The following TAOK3 variants were observed in gnomAD, a reference collection of about 807,000 sequenced individuals.
TAOK3 encodes TAO kinase 3.
Under a neutral mutation model 120.4 loss-of-function variants are expected in TAOK3, and 40 were observed. The observed-to-expected ratio is 0.33, with a 90% confidence interval of 0.26 to 0.43. TAOK3 has a LOEUF of 0.43. Among genes scored for constraint, TAOK3 ranks in the 20% least tolerant of loss-of-function variants. The pLI, the probability that TAOK3 is intolerant of heterozygous loss-of-function variation, is 1.00. For synonymous variants in TAOK3, 355 were observed against 387.5 expected, an observed-to-expected ratio of 0.92 and a Z score of 0.99; for missense variants, 821 against 1,112.1, an observed-to-expected ratio of 0.74 and a Z score of 3.72.
At chr12:118,230,598 A>G (rs1214400842) in intron 9 of TAOK3, among the ~76,000 whole-genome samples, 1 of 151,220 alleles carries the variant, frequency 6.6e-6, no homozygotes, top group East Asian at 2.0e-4. Flanking sequence ...CCTCCCGAGT[A>G]GCTGGGACTA....
At chr12:118,365,119 T>C (rs2045707430) in intron 1 of TAOK3, among the ~76,000 whole-genome samples, 1 of 152,230 alleles carries the variant, frequency 6.6e-6, no homozygotes, top group Non-Finnish European at 1.5e-5. Context: ...TGCCTAGATC[T>C]TTCCCAGTCT....
At position 118,251,148 on chromosome 12, in the gene TAOK3, C is replaced by A. The variant is rs577351301; in HGVS notation, c.120+4300G>T. Among the ~76,000 whole-genome samples, 181 of 152,038 alleles carry A rather than the reference C, an allele frequency of 1.2e-3. 1 individual carries two copies. Among genetic ancestry groups the A allele is most frequent in the African/African-American group, 4.2e-3 (176 of 41,484 alleles). ...TTTACATTTCTTTTTTCAAGCTCAT[C>A]GAGGTATGCACAACAGACTGAAGAG... On this transcript the variant is annotated intron_variant, in intron 3 of 20. Coordinates refer to ENST00000392533, the MANE Select transcript of TAOK3 (RefSeq NM_016281.4).
intron 5 of TAOK3, among the ~76,000 whole-genome samples, chr12:118,240,295 T>C (rs1356512681): frequency 1.3e-5 from 2 of 149,988 alleles, no homozygotes; most frequent in East Asian, 4.1e-4. Context: ...TTCTCCTGCC[T>C]CAGCCTCCCG....
intron 1 of TAOK3, among the ~76,000 whole-genome samples, chr12:118,329,742 G>A (rs1010448160): frequency 2.6e-5 from 4 of 152,026 alleles, no homozygotes; most frequent in African/African-American, 9.7e-5. Context: ...AAGGGACATG[G>A]AACACAAATA....
intron 1 of TAOK3, among the ~76,000 whole-genome samples, chr12:118,286,764 C>G (rs140265605): frequency 1.5e-3 from 233 of 152,292 alleles, no homozygotes; most frequent in South Asian, 2.7e-3. Flanking sequence ...AAGATATTTG[C>G]ACATGCATGT....
chr12:118,210,928 G>A (rs898375988), intron 11 of TAOK3, among the ~76,000 whole-genome samples: 2 of 151,824 alleles, frequency 1.3e-5, no homozygotes, highest in Non-Finnish European at 2.9e-5. Flanking sequence ...TAGTAGAGAC[G>A]GGGTTTCGCC....
At chr12:118,240,333 C>T (rs2040195373) in intron 5 of TAOK3, among the ~76,000 whole-genome samples, 2 of 151,868 alleles carry the variant, frequency 1.3e-5, no homozygotes, top group Non-Finnish European at 1.5e-5. Flanking sequence ...GCATGCGCCA[C>T]CACACGCGGC....
At chr12:118,346,967 C>T (rs948966520) in intron 1 of TAOK3, among the ~76,000 whole-genome samples, 2 of 152,096 alleles carry the variant, frequency 1.3e-5, no homozygotes, top group African/African-American at 4.8e-5. Context: ...TTCAGTTTTC[C>T]TTTATCAGGC....
intron 9 of TAOK3, among the ~76,000 whole-genome samples, chr12:118,221,634 C>CTTTTTTTT (rs35069196): frequency 7.9e-6 from 1 of 126,016 alleles, no homozygotes; most frequent in South Asian, 2.5e-4. Flanking sequence ...TACATATAAC[C>CTTTTTTTT]TTTTTTTTTT....
At chr12:118,225,246 C>CAAA (rs34923071) in intron 9 of TAOK3, among the ~76,000 whole-genome samples, 81 of 74,994 alleles carry the variant, frequency 1.1e-3, no homozygotes, top group Admixed American at 1.7e-3. Flanking sequence ...GAGACTGTCT[C>CAAA]AAAAAAAAAA....
Position 118,363,271 on chromosome 12 carries a change from T to C in TAOK3, c.-194+9377A>G, listed in dbSNP as rs559173954. Among the ~76,000 whole-genome samples the C allele has an allele frequency of 3.3e-5, 5 of 152,240 alleles. No homozygotes were observed. The East Asian group carries it at 7.7e-4, about 23-fold the overall frequency. ...GAATTCTTCTCTTAGGAATGCACAT[T>C]ATCTTCACCAGCAGCAATAATTATA... On this transcript the variant is annotated intron_variant, in intron 1 of 20. Coordinates refer to ENST00000392533, the MANE Select transcript of TAOK3 (RefSeq NM_016281.4).
At chr12:118,326,937 A>G (rs919612733) in intron 1 of TAOK3, among the ~76,000 whole-genome samples, 1 of 152,198 alleles carries the variant, frequency 6.6e-6, no homozygotes, top group African/African-American at 2.4e-5. Flanking sequence ...AAATTTTTCT[A>G]TAACTATGTA....
At chr12:118,172,365 A>G (rs377367358) in intron 17 of TAOK3, 92 bp downstream of exon 17, 9 of 1,361,604 alleles carry the variant, frequency 6.6e-6, no homozygotes, top group East Asian at 2.3e-5. Flanking sequence ...AAGGCTAGGG[A>G]TATAGGAATG....
intron 1 of TAOK3, among the ~76,000 whole-genome samples, chr12:118,272,688 T>C (rs2041758621): frequency 6.6e-6 from 1 of 152,136 alleles, no homozygotes; most frequent in African/African-American, 2.4e-5. Context: ...CCCAGACTTC[T>C]GGCCAGGTGC....
In TAOK3 at chr12:118,371,650, G is replaced by A. The variant is rs750902833; in HGVS notation, c.-194+998C>T. On this transcript the variant is annotated intron_variant, in intron 1 of 20. Transcript: ENST00000392533. This position sits in a 1 kb window ranked among gnomAD's most constrained non-coding sequence, Gnocchi z 5.5. ...AGCCGGTTCCTATTTGCCCGACGCC[G>A]CGACTGCGACCCAGGCTCCCCGCCG... Among the ~76,000 whole-genome samples, 154 of 152,120 alleles carry A rather than the reference G, an allele frequency of 1.0e-3. No homozygotes were observed. Among genetic ancestry groups the A allele is most frequent in the Non-Finnish European group, 1.9e-3 (128 of 67,950 alleles).
intron 1 of TAOK3, among the ~76,000 whole-genome samples, chr12:118,278,595 C>T (rs1806848698): frequency 6.6e-6 from 1 of 152,126 alleles, no homozygotes; most frequent in African/African-American, 2.4e-5. Flanking sequence ...AAAAGTGCTG[C>T]AATGAGCATA....
intron 15 of TAOK3, 89 bp from the exon 16 acceptor site, chr12:118,177,418 A>G: frequency 1.0e-6 from 1 of 978,640 alleles, no homozygotes. Flanking sequence ...AAGACAGTCC[A>G]TGAGTGCTAA....
chr12:118,347,182 A>C (rs2044898917), intron 1 of TAOK3, among the ~76,000 whole-genome samples: 1 of 152,048 alleles, frequency 6.6e-6, no homozygotes, highest in African/African-American at 2.4e-5. Flanking sequence ...TTTTTTAAAA[A>C]AATTATCATT....
intron 10 of TAOK3, among the ~76,000 whole-genome samples, chr12:118,213,292 T>A (rs1454376529): frequency 6.6e-6 from 1 of 152,136 alleles, no homozygotes; most frequent in Non-Finnish European, 1.5e-5. Flanking sequence ...AAGTTTTATA[T>A]ACATTTTTCT....
Sources: allele counts gnomAD v4.1 joint callset (sites outside exome capture counted in the v4.1 genomes callset), GRCh38; gene constraint gnomAD v4.1.1; non-coding constraint Gnocchi (gnomAD v3.1); transcripts MANE v1.5; gene names NCBI Gene and HGNC (gene_info 2026-07-23, HGNC 2026-07-21).